MFSD12: variants seen among roughly 807,000 people sequenced by gnomAD.
MFSD12 encodes the protein major facilitator superfamily domain-containing protein 12.
MFSD12 carries 67 observed loss-of-function variants against 51.2 expected under a neutral mutation model. The observed-to-expected ratio is 1.31, with a 90% CI of 1.08 to 1.60. The LOEUF is 1.60. MFSD12 is among the 40% of genes most tolerant of loss of function. The pLI, the probability that MFSD12 is intolerant of heterozygous loss-of-function variation, is 0.00. For synonymous variants in MFSD12, 441 were observed against 316.7 expected (o/e 1.39, Z -4.17); for missense variants, 921 against 673.0 (o/e 1.37, Z -4.08).
In MFSD12 at chr19:3,551,108, G is replaced by C; in HGVS notation, c.385C>G (p.Leu129Val). 6.2e-7 allele frequency: 1 copy of C among 1,613,166 alleles called. No homozygotes were observed. Among genetic ancestry groups the C allele is most frequent in the Non-Finnish European group, 8.5e-7 (1 of 1,180,000 alleles). Residue 129 changes from leucine to valine, a missense_variant, in exon 2 of 10, where the codon CTC (leucine) becomes GTC (valine). Coordinates refer to ENST00000355415, the MANE Select transcript of MFSD12 (RefSeq NM_174983.5). This position sits in a 1 kb window ranked among gnomAD's most constrained non-coding sequence, Gnocchi z 4.6. ...GAATPEWAAL[L>V]YYGPFIVIFQ... The stretch of plus-strand genomic sequence containing the variant: ...ATCACGATGAACGGGCCGTAGTAGA[G>C]GAGGGCAGCCCACTCGGGCGTGGCC...
chr19:3,542,716 C>T, downstream of MFSD12: 2 of 1,297,008 alleles, frequency 1.5e-6, no homozygotes, highest in Non-Finnish European at 2.0e-6. Context: ...CTCCTGACCT[C>T]AAGTGATCCA....
chr19:3,543,632 T>G (rs905979211), downstream of MFSD12: 5 of 1,543,620 alleles, frequency 3.2e-6, no homozygotes, highest in Non-Finnish European at 3.5e-6. Flanking sequence ...CAGCACCCGG[T>G]GGGGGAGCGC....
At position 3,544,734 on chromosome 19, in the gene MFSD12, T is replaced by G. The variant is rs1707848515; in HGVS notation, c.1421-2A>C. 5 of 1,574,918 alleles carry G rather than the reference T, an allele frequency of 3.2e-6. No individual in the cohort carries two copies. Among genetic ancestry groups the G allele is most frequent in the Non-Finnish European group, 4.3e-6 (5 of 1,160,092 alleles). ...GTCAGGGCCGGGCATCACGGTCCCC[T>G]GCAAGGGAGGGGTGGAAATGGCATT... On this transcript the variant is annotated splice_acceptor_variant, in intron 9 of 9. Coordinates refer to ENST00000355415, the MANE Select transcript of MFSD12 (RefSeq NM_174983.5). LOFTEE classifies it high-confidence loss of function.
intron 4 of MFSD12, 119 bp downstream of exon 4, chr19:3,547,729 G>C: frequency 7.8e-7 from 1 of 1,285,530 alleles, no homozygotes; most frequent in South Asian, 1.5e-5. Flanking sequence ...GTTTGCCCTG[G>C]GTGTGGGCTG....
In MFSD12 at chr19:3,548,218, G is replaced by A; in HGVS notation, c.559C>T (p.Leu187Phe). ...GACGAGCCCTGCAGGTGCAGCAGGA[G>A]CCAGGCGGCGCCGTAGACGGTGATG... ...ANITVYGAAWLLLHLQGSSRV... is the reference protein window; with the variant it reads ...ANITVYGAAWFLLHLQGSSRV... Residue 187 changes from leucine (L) to phenylalanine (F), a missense_variant, in exon 3 of 10, where the codon CTC becomes TTC. By Grantham distance (22) the Leu-to-Phe change is conservative (BLOSUM62 0). Coordinates refer to ENST00000355415, the MANE Select transcript of MFSD12 (RefSeq NM_174983.5). 3 of 1,556,096 alleles carry A rather than the reference G, an allele frequency of 1.9e-6. No individual in the cohort carries two copies. The highest frequency in any genetic ancestry group is 2.6e-6 in the Non-Finnish European group (3 of 1,150,980).
chr19:3,553,901 G>T (rs186384474), intron 1 of MFSD12, among the ~76,000 whole-genome samples: 3 of 149,416 alleles, frequency 2.0e-5, no homozygotes, highest in Non-Finnish European at 3.0e-5. Flanking sequence ...GACCAACATG[G>T]TGAAACCCTG....
At chr19:3,539,234 G>C, downstream of MFSD12, 1 of 1,550,808 alleles carries the variant, frequency 6.4e-7, no homozygotes, top group Non-Finnish European at 8.7e-7. Context: ...GGACCCTCGA[G>C]GCCAGCTTCC....
chr19:3,547,204 CG>C, intron 6 of MFSD12, 67 bp downstream of exon 6: 1 of 1,366,742 alleles, frequency 7.3e-7, no homozygotes, highest in Non-Finnish European at 1.0e-6. Flanking sequence ...GAACCCGGAG[CG>C]GGTGGGATCT....
intron 4 of MFSD12, 106 bp downstream of exon 4, chr19:3,547,742 C>G (rs2031192175): frequency 3.7e-6 from 5 of 1,366,562 alleles, no homozygotes; most frequent in Admixed American, 5.5e-5. Context: ...GTGGGCTGCA[C>G]CAGGGGCCAC....
Position 3,546,443 on chromosome 19 carries a change from G to A in MFSD12, c.1024-18C>T, listed in dbSNP as rs778612289. ...TAGGTCATCTGCAGGGACAGCCCCG[G>A]GGTCAGGCCCACACCACTGGGTGCC... On this transcript the variant is annotated intron_variant, in intron 6 of 9. Coordinates refer to ENST00000355415, the MANE Select transcript of MFSD12 (RefSeq NM_174983.5). 24 of 1,593,562 alleles carry A rather than the reference G, an allele frequency of 1.5e-5. No homozygotes were observed. The highest frequency in any genetic ancestry group is 8.7e-5 in the Admixed American group (5 of 57,340).
Position 3,546,442 on chromosome 19 carries a change from G to A in MFSD12, c.1024-17C>T, listed in dbSNP as rs60929757. The stretch of plus-strand genomic sequence containing the variant: ...GTAGGTCATCTGCAGGGACAGCCCC[G>A]GGGTCAGGCCCACACCACTGGGTGC... On this transcript the variant is annotated splice_polypyrimidine_tract_variant and intron_variant, in intron 6 of 9. Coordinates refer to ENST00000355415, the MANE Select transcript of MFSD12 (RefSeq NM_174983.5). 4.7e-3 allele frequency: 7,485 copies of A among 1,593,824 alleles called. 225 individuals carry two copies. In the African/African-American group the frequency reaches 0.081, roughly 17 times the overall value.
At chr19:3,547,762 G>A (rs1404439902) in intron 4 of MFSD12, 86 bp downstream of exon 4, 3 of 1,422,606 alleles carry the variant, frequency 2.1e-6, no homozygotes, top group Admixed American at 2.8e-5. Context: ...CGTGTGCTCT[G>A]CGTCTGGACG....
At chr19:3,539,584 TGA>T (rs922559917), downstream of MFSD12, 4 of 332,576 alleles carry the variant, frequency 1.2e-5, no homozygotes, top group African/African-American at 4.2e-5. Context: ...CTTCTGTGGC[TGA>T]GAGAGTCTGT....
chr19:3,556,521 C>A (rs974530039), intron 1 of MFSD12, among the ~76,000 whole-genome samples: 1 of 150,284 alleles, frequency 6.7e-6, no homozygotes, highest in Non-Finnish European at 1.5e-5. Context: ...GATAGAGAAG[C>A]CCTGCACAGT....
intron 2 of MFSD12, among the ~76,000 whole-genome samples, chr19:3,549,631 G>A (rs1178897970): frequency 6.6e-6 from 1 of 151,422 alleles, no homozygotes; most frequent in East Asian, 2.0e-4. Context: ...GCTGAGGCAG[G>A]AGAACCGCTT....
intron 8 of MFSD12, among the ~76,000 whole-genome samples, chr19:3,545,633 G>A (rs79499489): frequency 0.022 from 3,351 of 152,306 alleles, 71 homozygotes; most frequent in Non-Finnish European, 0.025. Flanking sequence ...CACCCACGCC[G>A]GTACCAACCA....
At chr19:3,540,395 T>G (rs946407275), downstream of MFSD12, among the ~76,000 whole-genome samples, 2 of 151,662 alleles carry the variant, frequency 1.3e-5, no homozygotes, top group African/African-American at 4.8e-5. Flanking sequence ...GTAGCTGGGA[T>G]TACAGGCATG....
downstream of MFSD12, chr19:3,544,006 G>C (rs756837099): frequency 3.1e-5 from 48 of 1,537,594 alleles, no homozygotes; most frequent in Middle Eastern, 1.7e-4. Flanking sequence ...CCCACTCCCC[G>C]ATAAAGGCAT....
chr19:3,542,178 G>C (rs1298249223), downstream of MFSD12: 1 of 985,254 alleles, frequency 1.0e-6, no homozygotes, highest in Admixed American at 6.2e-5. Flanking sequence ...AAAGGGTGAG[G>C]TTCTCCTGAT....
Sources: allele counts gnomAD v4.1 joint callset (sites outside exome capture counted in the v4.1 genomes callset), GRCh38; gene constraint gnomAD v4.1.1; non-coding constraint Gnocchi (gnomAD v3.1); transcripts MANE v1.5; gene names NCBI Gene and HGNC (gene_info 2026-07-23, HGNC 2026-07-21).